TMEM38B: variants seen among roughly 807,000 people sequenced by gnomAD.
The protein encoded by TMEM38B is trimeric intracellular cation channel type B.
Under a neutral mutation model 28.7 loss-of-function variants are expected in TMEM38B, and 24 were observed. That is an observed-to-expected ratio of 0.84 (90% CI 0.61 to 1.18). The LOEUF (loss-of-function observed/expected upper bound fraction) is 1.18. Among genes scored for constraint, TMEM38B ranks in the 50% most tolerant of loss-of-function variants. The probability of loss-of-function intolerance (pLI) is 0.00; values close to 1 mark genes in which losing one functional copy is unlikely to be tolerated. For synonymous variants in TMEM38B, 131 were observed against 127.7 expected (o/e 1.03, Z -0.17); for missense variants, 380 against 350.9 (o/e 1.08, Z -0.66).
intron 4 of TMEM38B, among the ~76,000 whole-genome samples, chr9:105,733,517 C>T (rs1836853980): frequency 6.9e-6 from 1 of 145,650 alleles, no homozygotes; most frequent in African/African-American, 2.6e-5. Context: ...AGCTGTGTTT[C>T]CTTGGAAGAG....
Position 105,722,572 on chromosome 9 carries a change from G to C in TMEM38B, c.493G>C (p.Val165Leu), listed in dbSNP as rs372593889. ...GTIITNFERL[V>L]KGDWKPEGDE... ...CATTATAACGAATTTTGAGAGGTTG[G>C]TAAAAGGAGATTGGAAACCAGAAGG... Residue 165 changes from valine (V) to leucine (L), a missense_variant, in exon 4 of 6, where the codon GTA becomes CTA. Val to Leu is a conservative substitution (Grantham distance 32, BLOSUM62 1). Coordinates refer to ENST00000374692, the MANE Select transcript of TMEM38B (RefSeq NM_018112.3). The C allele has an allele frequency of 7.6e-4, 1,231 of 1,613,696 alleles. 22 individuals are homozygous for C. The South Asian group carries it at 0.013, about 17-fold the overall frequency.
intron 2 of TMEM38B, among the ~76,000 whole-genome samples, chr9:105,713,875 G>C (rs1389588406): frequency 7.0e-6 from 1 of 143,190 alleles, no homozygotes; most frequent in Non-Finnish European, 1.5e-5. Context: ...GGGCAGAGTA[G>C]GAAGAGTTGA....
chr9:105,773,756 C>T, intron 5 of TMEM38B, 109 bp from the exon 6 acceptor site: 1 of 1,004,530 alleles, frequency 1.0e-6, no homozygotes, highest in South Asian at 1.6e-5. Flanking sequence ...ATTGCTTCCC[C>T]TGCAGATTAC....
chr9:105,771,453 T>C (rs1282035727), intron 5 of TMEM38B, among the ~76,000 whole-genome samples: 1 of 152,160 alleles, frequency 6.6e-6, no homozygotes, highest in Non-Finnish European at 1.5e-5. Context: ...GTTTGAAAAA[T>C]ACTTATTATA....
chr9:105,724,829 G>C (rs1013304502), intron 4 of TMEM38B, among the ~76,000 whole-genome samples: 5 of 152,240 alleles, frequency 3.3e-5, no homozygotes, highest in African/African-American at 1.2e-4. Context: ...TTCTCATTTT[G>C]AGTATATGCC....
At chr9:105,729,755 G>C (rs1444721163) in intron 4 of TMEM38B, among the ~76,000 whole-genome samples, 1 of 151,912 alleles carries the variant, frequency 6.6e-6, no homozygotes, top group African/African-American at 2.4e-5. Flanking sequence ...CTTTTATTTT[G>C]TTGAGCAGTG....
At chr9:105,745,407 A>G (rs995504378) in intron 4 of TMEM38B, among the ~76,000 whole-genome samples, 4 of 152,170 alleles carry the variant, frequency 2.6e-5, no homozygotes, top group African/African-American at 9.7e-5. Flanking sequence ...GTCAGTTCGT[A>G]TCCTTCGCTC....
chr9:105,765,204 G>A (rs1392485341), intron 5 of TMEM38B, among the ~76,000 whole-genome samples: 5 of 152,264 alleles, frequency 3.3e-5, no homozygotes, highest in African/African-American at 1.2e-4. Context: ...TTTGCAAATT[G>A]AGATTAAAAT....
At chr9:105,747,630 GTT>G (rs1837468541) in intron 4 of TMEM38B, among the ~76,000 whole-genome samples, 1 of 152,112 alleles carries the variant, frequency 6.6e-6, no homozygotes, top group Admixed American at 6.5e-5. Context: ...TTTTGAATGT[GTT>G]TGCTCTTGCT....
intron 1 of TMEM38B, among the ~76,000 whole-genome samples, chr9:105,703,883 T>G (rs1485978191): frequency 2.0e-5 from 3 of 151,806 alleles, no homozygotes; most frequent in East Asian, 1.9e-4. Context: ...TCGCCCACTT[T>G]TTGATGGGGT....
chr9:105,703,822 G>GT (rs1835544111), intron 1 of TMEM38B, among the ~76,000 whole-genome samples: 1 of 152,090 alleles, frequency 6.6e-6, no homozygotes, highest in South Asian at 2.1e-4. Flanking sequence ...TTTTTCATGT[G>GT]TTTTTTGGCT....
intron 4 of TMEM38B, among the ~76,000 whole-genome samples, chr9:105,738,516 T>G (rs10978228): frequency 0.23 from 35,337 of 151,708 alleles, 6,766 homozygotes; most frequent in African/African-American, 0.51. Context: ...TTTGTTTTGG[T>G]GTGGGGGGCA....
At position 105,705,812 on chromosome 9, in the gene TMEM38B, G is replaced by T. The variant is rs1178604201; in HGVS notation, c.269+59G>T. The stretch of plus-strand genomic sequence containing the variant: ...TAAACAATTGTGTTGTAAATTGTTA[G>T]TAAAATGAATTTTTTTTTCTTTGAA... On this transcript the variant is annotated intron_variant, in intron 2 of 5. Coordinates refer to ENST00000374692, the MANE Select transcript of TMEM38B (RefSeq NM_018112.3). The T allele has an allele frequency of 4.7e-6, 7 of 1,481,292 alleles. No individual in the cohort carries two copies. In the Admixed American group the frequency reaches 1.3e-4, roughly 27 times the overall value. 91.8% of individuals were successfully genotyped at this position (1,481,292 alleles called of 1,614,324 possible).
At chr9:105,763,361 A>C (rs1588472338) in intron 5 of TMEM38B, among the ~76,000 whole-genome samples, 1 of 152,176 alleles carries the variant, frequency 6.6e-6, no homozygotes, top group Admixed American at 6.5e-5. Context: ...GGTAATGCCT[A>C]GGTTTTCTTC....
At chr9:105,706,208 G>T (rs891881345) in intron 2 of TMEM38B, among the ~76,000 whole-genome samples, 1 of 152,106 alleles carries the variant, frequency 6.6e-6, no homozygotes, top group Non-Finnish European at 1.5e-5. Flanking sequence ...CATGCCAAAG[G>T]CTTTAAGTGT....
chr9:105,747,969 C>T (rs1165446799), intron 4 of TMEM38B, 104 bp from the exon 5 acceptor site: 5 of 713,510 alleles, frequency 7.0e-6, no homozygotes, highest in African/African-American at 1.8e-5. Context: ...TGCATTACAT[C>T]TATTAATAAC....
At chr9:105,719,073 G>T (rs1272279240) in intron 2 of TMEM38B, among the ~76,000 whole-genome samples, 1 of 152,170 alleles carries the variant, frequency 6.6e-6, no homozygotes, top group Non-Finnish European at 1.5e-5. Flanking sequence ...TGATAGTAGA[G>T]TGAAAACAGA....
rs563404800 is a variant in TMEM38B at position 105,710,586 on chromosome 9, C to T, written c.269+4833C>T. Reference sequence around the variant, plus strand: ...CTGTCCAAATTATATAAAGTGTCTTCAGCATCAGGAACACCCTCAAATTGA... The same window carrying T: ...CTGTCCAAATTATATAAAGTGTCTTTAGCATCAGGAACACCCTCAAATTGA... On this transcript the variant is annotated intron_variant, in intron 2 of 5. Coordinates refer to ENST00000374692, the MANE Select transcript of TMEM38B (RefSeq NM_018112.3). The T allele has an allele frequency of 1.8e-4, 152 of 845,676 alleles. 1 individual carries two copies. The highest frequency in any genetic ancestry group is 1.4e-3 in the Middle Eastern group (4 of 2,790). 52.4% of individuals were successfully genotyped at this position (845,676 alleles called of 1,614,324 possible).
At chr9:105,751,600 C>T (rs1330215801) in intron 5 of TMEM38B, among the ~76,000 whole-genome samples, 1 of 152,354 alleles carries the variant, frequency 6.6e-6, no homozygotes, top group East Asian at 1.9e-4. Flanking sequence ...CTGCAGGCCC[C>T]ACTTCCATGG....
Sources: allele counts gnomAD v4.1 joint callset (sites outside exome capture counted in the v4.1 genomes callset), GRCh38; gene constraint gnomAD v4.1.1; transcripts MANE v1.5; gene names NCBI Gene and HGNC (gene_info 2026-07-23, HGNC 2026-07-21).